The following EEFSEC variants were observed in gnomAD, a reference collection of about 807,000 sequenced individuals.
The protein encoded by EEFSEC is selenocysteine-specific elongation factor.
A neutral mutation model predicts 42.1 loss-of-function variants in EEFSEC; 43 were observed. That is an observed-to-expected ratio of 1.02 (90% CI 0.80 to 1.32). The LOEUF (loss-of-function observed/expected upper bound fraction) is 1.32. Among genes scored for constraint, EEFSEC ranks in the 40% most tolerant of loss-of-function variants. EEFSEC has a pLI of 0.00. For synonymous variants in EEFSEC, 354 were observed against 339.1 expected (o/e 1.04, Z -0.48); for missense variants, 745 against 803.6 (o/e 0.93, Z 0.88).
chr3:128,283,988 A>G (rs1401601073), intron 4 of EEFSEC, among the ~76,000 whole-genome samples: 1 of 152,206 alleles, frequency 6.6e-6, no homozygotes, highest in Non-Finnish European at 1.5e-5. Flanking sequence ...ACCCTTCCCC[A>G]TTTGCTGGAG....
At chr3:128,254,870 G>A (rs75793817) in intron 2 of EEFSEC, among the ~76,000 whole-genome samples, 78 of 152,288 alleles carry the variant, frequency 5.1e-4, no homozygotes, top group African/African-American at 1.8e-3. Flanking sequence ...GCAGTTGGGA[G>A]GCCTGGGGTG....
At chr3:128,360,914 C>T (rs948794842) in intron 6 of EEFSEC, among the ~76,000 whole-genome samples, 1 of 152,012 alleles carries the variant, frequency 6.6e-6, no homozygotes, top group Non-Finnish European at 1.5e-5. Context: ...CTCCCACCCC[C>T]ACTCCCTGCT....
At chr3:128,213,578 G>C (rs1240462706) in intron 1 of EEFSEC, among the ~76,000 whole-genome samples, 1 of 151,988 alleles carries the variant, frequency 6.6e-6, no homozygotes, top group Non-Finnish European at 1.5e-5. Flanking sequence ...GGCCCTTGGG[G>C]ATGCTGAGCT....
intron 4 of EEFSEC, among the ~76,000 whole-genome samples, chr3:128,339,677 C>T (rs2067228715): frequency 6.6e-6 from 1 of 152,214 alleles, no homozygotes; most frequent in Non-Finnish European, 1.5e-5. Flanking sequence ...ACTTCCGGGC[C>T]TTGCACTCTA....
intron 4 of EEFSEC, among the ~76,000 whole-genome samples, chr3:128,326,932 C>T (rs1037896662): frequency 8.5e-5 from 13 of 152,300 alleles, no homozygotes; most frequent in Non-Finnish European, 1.6e-4. Flanking sequence ...TTGTTCTATG[C>T]GCTGTGCTCA....
chr3:128,404,798 C>T (rs1382756474), intron 6 of EEFSEC, among the ~76,000 whole-genome samples: 1 of 152,208 alleles, frequency 6.6e-6, no homozygotes, highest in Non-Finnish European at 1.5e-5. Context: ...GTCCCCAAGG[C>T]CATAGTGTCA....
At position 128,288,812 on chromosome 3, in the gene EEFSEC, A is replaced by C. The variant is rs75025589; in HGVS notation, c.786+24031A>C. Among the ~76,000 whole-genome samples the C allele has an allele frequency of 8.9e-4, 136 of 152,388 alleles. 1 individual carries two copies. The South Asian group carries it at 0.015, about 16-fold the overall frequency. ...AAGGCCTGTGCTATTGGACTGGGCC[A>C]GTGAAGACAGCACAGGCATTTTCCA... On this transcript the variant is annotated intron_variant, in intron 4 of 6. Transcript: ENST00000254730.
chr3:128,163,950 AAAC>A (rs1404651991), intron 1 of EEFSEC, among the ~76,000 whole-genome samples: 1 of 151,842 alleles, frequency 6.6e-6, no homozygotes, highest in Non-Finnish European at 1.5e-5. Flanking sequence ...AAAAAAAAAA[AAAC>A]AAAACTATTT....
At chr3:128,399,402 C>T (rs756434949) in intron 6 of EEFSEC, among the ~76,000 whole-genome samples, 5 of 152,224 alleles carry the variant, frequency 3.3e-5, no homozygotes, top group East Asian at 1.9e-4. Flanking sequence ...TTGAGAGCCT[C>T]GGAAAGAGCG....
At chr3:128,264,945 C>T (rs1480786608) in intron 4 of EEFSEC, among the ~76,000 whole-genome samples, 164 bp downstream of exon 4, 1 of 152,164 alleles carries the variant, frequency 6.6e-6, no homozygotes, top group Non-Finnish European at 1.5e-5. Flanking sequence ...CCGCCCGGCT[C>T]CAAGTCTTTC....
intron 6 of EEFSEC, among the ~76,000 whole-genome samples, chr3:128,402,210 G>A (rs1263188174): frequency 6.6e-6 from 1 of 152,176 alleles, no homozygotes; most frequent in Non-Finnish European, 1.5e-5. Context: ...ACCCACTCCC[G>A]ACCCCTGACA....
At chr3:128,176,395 G>A (rs2065348409) in intron 1 of EEFSEC, among the ~76,000 whole-genome samples, 2 of 151,914 alleles carry the variant, frequency 1.3e-5, no homozygotes, top group Non-Finnish European at 2.9e-5. Context: ...AGAAGGCCAC[G>A]AAGGGAAAAG....
intron 4 of EEFSEC, among the ~76,000 whole-genome samples, chr3:128,318,678 G>A (rs541502858): frequency 2.0e-5 from 3 of 152,360 alleles, no homozygotes; most frequent in African/African-American, 7.2e-5. Flanking sequence ...AACAAAGTCA[G>A]TGTCACCTAT....
the EEFSEC span, among the ~76,000 whole-genome samples, chr3:128,416,961 A>G: frequency 7.9e-5 from 12 of 152,048 alleles, no homozygotes; most frequent in Admixed American, 6.6e-4. Flanking sequence ...TTTGTGACTC[A>G]GAGAGCGATC....
At chr3:128,299,436 GT>G (rs1174623372) in intron 4 of EEFSEC, among the ~76,000 whole-genome samples, 2 of 152,050 alleles carry the variant, frequency 1.3e-5, no homozygotes, top group South Asian at 4.1e-4. Context: ...TTGTTTGTTT[GT>G]TTGTTTTTTG....
intron 6 of EEFSEC, among the ~76,000 whole-genome samples, chr3:128,369,898 C>G (rs1407437289): frequency 3.9e-5 from 6 of 152,180 alleles, no homozygotes; most frequent in African/African-American, 1.2e-4. Context: ...GCACATGTCC[C>G]CGAGGAACAA....
chr3:128,199,985 C>T (rs986215873), intron 1 of EEFSEC, among the ~76,000 whole-genome samples: 2 of 152,092 alleles, frequency 1.3e-5, no homozygotes, highest in African/African-American at 4.8e-5. Flanking sequence ...CCACCCATCT[C>T]GGCCTCCCAA....
At chr3:128,409,705 C>T (rs1309284023), downstream of EEFSEC, among the ~76,000 whole-genome samples, 5 of 152,194 alleles carry the variant, frequency 3.3e-5, no homozygotes, top group Admixed American at 6.5e-5. Context: ...CACTGTGAAT[C>T]AGGACAGCCC....
intron 1 of EEFSEC, among the ~76,000 whole-genome samples, chr3:128,166,934 A>G (rs1291752469): frequency 6.6e-6 from 1 of 152,136 alleles, no homozygotes; most frequent in Admixed American, 6.5e-5. Context: ...GGGATAGAAG[A>G]GAGTTTAAAA....
Sources: allele counts gnomAD v4.1 joint callset (sites outside exome capture counted in the v4.1 genomes callset), GRCh38; gene constraint gnomAD v4.1.1; transcripts MANE v1.5; gene names NCBI Gene and HGNC (gene_info 2026-07-23, HGNC 2026-07-21).